Variants in MSRA observed in about 807,000 individuals in gnomAD.
The protein encoded by MSRA is methionine sulfoxide reductase A.
In MSRA, 54 loss-of-function variants were observed where a neutral mutation model predicts 31.3. The observed-to-expected ratio is 1.73, with a 90% CI of 1.39 to 2.17. The LOEUF (loss-of-function observed/expected upper bound fraction) is 2.17. Ranked by LOEUF, MSRA falls within the 30% of genes most tolerant of loss-of-function variation. MSRA has a pLI of 0.00. For missense variants in MSRA, 507 were observed against 300.9 expected, an observed-to-expected ratio of 1.69 and a Z score of -5.07; for synonymous variants, 169 against 116.5, an observed-to-expected ratio of 1.45 and a Z score of -2.90.
At chr8:10,267,690 C>T (rs970877675) in intron 3 of MSRA, among the ~76,000 whole-genome samples, 1 of 152,116 alleles carries the variant, frequency 6.6e-6, no homozygotes, top group Non-Finnish European at 1.5e-5. Flanking sequence ...TCCCCCACAC[C>T]TGCTGGGGGA....
At chr8:10,110,433 G>A (rs1270363678) in intron 1 of MSRA, among the ~76,000 whole-genome samples, 1 of 152,184 alleles carries the variant, frequency 6.6e-6, no homozygotes, top group Non-Finnish European at 1.5e-5. Flanking sequence ...AGACTCCACT[G>A]AGTCAGCCTC....
At chr8:10,295,373 C>T (rs967139578) in intron 3 of MSRA, among the ~76,000 whole-genome samples, 1 of 152,098 alleles carries the variant, frequency 6.6e-6, no homozygotes, top group African/African-American at 2.4e-5. Flanking sequence ...CTCCGGAAGG[C>T]ACAGGCTCTG....
intron 3 of MSRA, among the ~76,000 whole-genome samples, chr8:10,259,147 C>A (rs1798336840): frequency 6.6e-6 from 1 of 151,848 alleles, no homozygotes; most frequent in Admixed American, 6.6e-5. Context: ...TCATCTGTTG[C>A]CTTTGACCTT....
chr8:10,274,511 C>T (rs889793333), intron 3 of MSRA, among the ~76,000 whole-genome samples: 2 of 152,120 alleles, frequency 1.3e-5, no homozygotes, highest in African/African-American at 4.8e-5. Context: ...GGATAGGAGG[C>T]AGAAGTGGGT....
chr8:10,204,427 TA>T (rs1406640806), intron 1 of MSRA, among the ~76,000 whole-genome samples: 4 of 152,222 alleles, frequency 2.6e-5, no homozygotes, highest in Non-Finnish European at 2.9e-5. Context: ...ACCTTTTTTT[TA>T]AATCTTTTAT....
intron 3 of MSRA, among the ~76,000 whole-genome samples, chr8:10,253,982 C>T (rs113987729): frequency 0.023 from 3,530 of 152,158 alleles, 138 homozygotes; most frequent in African/African-American, 0.08. Flanking sequence ...CAGACGTGAG[C>T]GGAGCGGCTT....
intron 1 of MSRA, among the ~76,000 whole-genome samples, chr8:10,207,039 A>T (rs1448669764): frequency 1.3e-5 from 2 of 152,190 alleles, no homozygotes; most frequent in Non-Finnish European, 2.9e-5. Flanking sequence ...TGTGTTTTCC[A>T]CATAAGTGCT....
intron 5 of MSRA, among the ~76,000 whole-genome samples, chr8:10,351,157 C>T (rs1331169294): frequency 6.6e-6 from 1 of 151,828 alleles, no homozygotes; most frequent in African/African-American, 2.4e-5. Flanking sequence ...ACCTTGTCTC[C>T]ACGCTCATCC....
intron 5 of MSRA, among the ~76,000 whole-genome samples, chr8:10,336,277 A>G (rs566273869): frequency 2.0e-5 from 3 of 152,328 alleles, no homozygotes; most frequent in African/African-American, 7.2e-5. Context: ...AGAAAAAAAT[A>G]GGACCTGATT....
chr8:10,319,994 G>A lies in MSRA; in HGVS notation c.543+5G>A, dbSNP rs775418544. 1.3e-6 allele frequency: 2 copies of A among 1,589,834 alleles called. No homozygotes were observed. The highest frequency in any genetic ancestry group is 1.7e-6 in the Non-Finnish European group (2 of 1,166,560). ...TCCAAAGAGAACTACCAAAAGGTAG[G>A]GATTGCTGGGCTCCTAGCCCCTGGC... is the stretch of plus-strand genomic sequence containing the variant. On this transcript the variant is annotated splice_donor_5th_base_variant and intron_variant, in intron 5 of 5. Transcript: ENST00000317173.
intron 5 of MSRA, among the ~76,000 whole-genome samples, chr8:10,340,362 A>G (rs972929102): frequency 7.2e-5 from 11 of 152,214 alleles, no homozygotes; most frequent in African/African-American, 2.2e-4. Context: ...GAGCCATCAA[A>G]TTAGGAGTTA....
intron 1 of MSRA, among the ~76,000 whole-genome samples, chr8:10,192,992 G>C (rs1040129519): frequency 7.2e-5 from 11 of 152,164 alleles, no homozygotes; most frequent in African/African-American, 2.7e-4. Context: ...CTCAACAATA[G>C]TTTACATTTT....
chr8:10,204,452 C>T (rs954082837), intron 1 of MSRA, among the ~76,000 whole-genome samples: 21 of 152,038 alleles, frequency 1.4e-4, no homozygotes, highest in East Asian at 1.2e-3. Flanking sequence ...GTATTTTTAC[C>T]GTACCTTTTC....
intron 3 of MSRA, among the ~76,000 whole-genome samples, chr8:10,288,497 G>C (rs1205563314): frequency 6.6e-6 from 1 of 152,140 alleles, no homozygotes; most frequent in Admixed American, 6.5e-5. Context: ...TCAGTTGCTT[G>C]TTGTGTTGGC....
At chr8:10,131,543 G>A (rs1310132776) in intron 1 of MSRA, among the ~76,000 whole-genome samples, 3 of 152,328 alleles carry the variant, frequency 2.0e-5, no homozygotes, top group Non-Finnish European at 2.9e-5. Context: ...ACTCCTGACC[G>A]TTGAGAGAAT....
At chr8:10,294,921 G>A (rs918028537) in intron 3 of MSRA, among the ~76,000 whole-genome samples, 23 of 152,134 alleles carry the variant, frequency 1.5e-4, no homozygotes, top group African/African-American at 5.3e-4. Context: ...CCTCATTTCT[G>A]TGTCTCTGGT....
chr8:10,071,952 G>A (rs1037729565), intron 1 of MSRA, among the ~76,000 whole-genome samples: 2 of 152,152 alleles, frequency 1.3e-5, no homozygotes. Flanking sequence ...TCAGTAGTGC[G>A]TATGGGTCCC....
At chr8:10,206,477 C>G (rs1286075180) in intron 1 of MSRA, among the ~76,000 whole-genome samples, 1 of 152,194 alleles carries the variant, frequency 6.6e-6, no homozygotes, top group Non-Finnish European at 1.5e-5. Context: ...TGATGGAATC[C>G]CTAAGGGCTA....
intron 1 of MSRA, among the ~76,000 whole-genome samples, chr8:10,054,973 C>T (rs1377610888): frequency 6.6e-6 from 1 of 152,200 alleles, no homozygotes; most frequent in African/African-American, 2.4e-5. Context: ...GGAAATGTGC[C>T]GCTGGGGTCT....
Sources: gnomAD v4.1 joint callset for allele counts (sites outside exome capture counted in the v4.1 genomes callset) on GRCh38, gnomAD v4.1.1 for gene constraint, MANE v1.5 for transcripts, NCBI Gene and HGNC (gene_info 2026-07-23, HGNC 2026-07-21) for gene names.